Variants in PCDHGB3 observed in about 807,000 individuals in gnomAD.
PCDHGB3 encodes protocadherin gamma-B3.
PCDHGB3 carries 40 observed loss-of-function variants against 59.2 expected under a neutral mutation model. The ratio of observed to expected loss-of-function variants is 0.68; its 90% CI spans 0.52 to 0.88. PCDHGB3 has a LOEUF of 0.88. Ranked by LOEUF, PCDHGB3 falls within the 40% of genes least tolerant of loss-of-function variation. The pLI is 0.00. For missense variants in PCDHGB3, 1,309 were observed against 1,187.9 expected (o/e 1.10, Z -1.50); for synonymous variants, 581 against 503.6 (o/e 1.15, Z -2.06).
chr5:141,400,333 C>T (rs538201613), intron 1 of PCDHGB3: 2 of 1,614,032 alleles, frequency 1.2e-6, no homozygotes, highest in East Asian at 2.2e-5. Context: ...ACCTGTGGTT[C>T]CCCCCAACTA....
chr5:141,480,414 CA>C (rs10712552), intron 1 of PCDHGB3, among the ~76,000 whole-genome samples: 43,347 of 147,074 alleles, frequency 0.29, 6,620 homozygotes, highest in African/African-American at 0.4. Flanking sequence ...GACCCTGTCT[CA>C]AAAAAAAAAA....
rs1561589443 is a variant in PCDHGB3, at chr5:141,381,835, T to TCTTCTTC, written c.2415+9026_2415+9027insCTTCTTC. Reference sequence around the variant, plus strand: ...TTCTTTCTTTCTTCTTCTTTTTTTTTTTTTTTTTTTTTTGGCAGAGTTTTG... The same window carrying TCTTCTTC: ...TTCTTTCTTTCTTCTTCTTTTTTTTTCTTCTTCTTTTTTTTTTTTTGGCAGAGTTTTG... On this transcript the variant is annotated intron_variant, in intron 1 of 3. Coordinates refer to ENST00000576222, the MANE Select transcript of PCDHGB3 (RefSeq NM_018924.5). 3.4e-3 allele frequency among the ~76,000 whole-genome samples: 481 copies of TCTTCTTC among 141,024 alleles called. 2 individuals carry two copies. Among genetic ancestry groups the TCTTCTTC allele is most frequent in the African/African-American group, 0.012 (438 of 36,478 alleles). The allele number at this position is 141,024 out of a possible 152,430, so 92.5% of individuals were successfully genotyped here. A position where few individuals can be genotyped will look rare whatever the true frequency, so the allele number is the denominator to read the frequency against.
intron 1 of PCDHGB3, chr5:141,419,649 A>C: frequency 6.2e-7 from 1 of 1,612,422 alleles, no homozygotes; most frequent in Non-Finnish European, 8.5e-7. Context: ...GTGGACGCGG[A>C]CTCGGGGCAC....
chr5:141,434,517 G>A (rs1476955199), intron 1 of PCDHGB3, among the ~76,000 whole-genome samples: 1 of 152,212 alleles, frequency 6.6e-6, no homozygotes, highest in East Asian at 1.9e-4. Context: ...GCTTAAAGGT[G>A]TTCTTAAACC....
intron 1 of PCDHGB3, among the ~76,000 whole-genome samples, chr5:141,469,340 G>A (rs1412181099): frequency 6.6e-6 from 1 of 152,138 alleles, no homozygotes; most frequent in Non-Finnish European, 1.5e-5. Context: ...ACTTTGGGAG[G>A]CTGAGGTGGA....
chr5:141,498,725 A>AGT (rs2099785409), intron 2 of PCDHGB3, among the ~76,000 whole-genome samples: 1 of 152,150 alleles, frequency 6.6e-6, no homozygotes, highest in Non-Finnish European at 1.5e-5. Flanking sequence ...TGAGGTCAGG[A>AGT]GTTTGAGACC....
At chr5:141,492,195 CTT>C (rs1240529719) in intron 1 of PCDHGB3, among the ~76,000 whole-genome samples, 1 of 152,242 alleles carries the variant, frequency 6.6e-6, no homozygotes, top group Non-Finnish European at 1.5e-5. Context: ...GTCTGCGGGA[CTT>C]AGGTGTGCGC....
chr5:141,480,371 C>T (rs1562080299), intron 1 of PCDHGB3, among the ~76,000 whole-genome samples: 1 of 151,908 alleles, frequency 6.6e-6, no homozygotes, highest in African/African-American at 2.4e-5. Flanking sequence ...GCTGTGATTG[C>T]ACCACTACAC....
chr5:141,487,022 A>T lies in PCDHGB3; in HGVS notation c.2416-7785A>T. ...TCAGCTCCTGGAGGCCCCAGATCCC[A>T]GCCTGTTTGCAGTCTCTCGATATGC... On this transcript the variant is annotated intron_variant, in intron 1 of 3. Coordinates refer to ENST00000576222, the MANE Select transcript of PCDHGB3 (RefSeq NM_018924.5). The surrounding 1 kb of genome is among the most constrained non-coding windows in gnomAD (Gnocchi z 5.0). The T allele has an allele frequency of 1.2e-6, 2 of 1,614,212 alleles. No homozygotes were observed. Among genetic ancestry groups the T allele is most frequent in the Non-Finnish European group, 1.7e-6 (2 of 1,180,048 alleles).
chr5:141,494,962 T>G (rs1644946600), intron 2 of PCDHGB3, 97 bp downstream of exon 2: 4 of 1,596,756 alleles, frequency 2.5e-6, no homozygotes, highest in Non-Finnish European at 3.4e-6. Context: ...TTGCTACAGA[T>G]GGCTTCTCCC....
intron 1 of PCDHGB3, chr5:141,393,472 C>A: frequency 6.2e-7 from 1 of 1,614,024 alleles, no homozygotes; most frequent in Non-Finnish European, 8.5e-7. Context: ...GGCGGCAAGC[C>A]GCCTCGCTCT....
intron 1 of PCDHGB3, among the ~76,000 whole-genome samples, chr5:141,386,382 A>T (rs2090551092): frequency 6.6e-6 from 1 of 152,330 alleles, no homozygotes; most frequent in South Asian, 2.1e-4. Context: ...AGTATTAATT[A>T]AAAACACACT....
chr5:141,491,567 C>T lies in PCDHGB3; in HGVS notation c.2416-3240C>T, dbSNP rs2099721325. On this transcript the variant is annotated intron_variant, in intron 1 of 3. Transcript: ENST00000576222. The surrounding 1 kb of genome is among the most constrained non-coding windows in gnomAD (Gnocchi z 6.9). ...GACTCGCAGAGCCACTGCTACAGGACGTGCTTTTCACCGGCCTCGGACGGC... is the reference window on the plus strand; with the variant it reads ...GACTCGCAGAGCCACTGCTACAGGATGTGCTTTTCACCGGCCTCGGACGGC... 1.9e-6 allele frequency: 3 copies of T among 1,614,004 alleles called. No individual in the cohort carries two copies. The highest frequency in any genetic ancestry group is 2.5e-6 in the Non-Finnish European group (3 of 1,180,034).
intron 1 of PCDHGB3, among the ~76,000 whole-genome samples, chr5:141,467,680 T>A (rs75237059): frequency 6.6e-6 from 1 of 152,138 alleles, no homozygotes; most frequent in Non-Finnish European, 1.5e-5. Flanking sequence ...TTATTTTTTT[T>A]AGACAGGGTC....
intron 1 of PCDHGB3, chr5:141,403,422 C>G: frequency 6.2e-7 from 1 of 1,614,030 alleles, no homozygotes; most frequent in Non-Finnish European, 8.5e-7. Flanking sequence ...CTTCCAGAAG[C>G]TATTGATCCG....
At chr5:141,420,164 A>G (rs2096471602) in intron 1 of PCDHGB3, 1 of 1,614,040 alleles carries the variant, frequency 6.2e-7, no homozygotes, top group Non-Finnish European at 8.5e-7. Context: ...TAATTTTTTC[A>G]CATCTGTTGA....
At chr5:141,415,740 G>GTTTTTTTTTTTTTTTTTTGTTTTTTTTT in intron 1 of PCDHGB3, 1 of 617,992 alleles carries the variant, frequency 1.6e-6, no homozygotes, top group Non-Finnish European at 2.1e-6. Flanking sequence ...GTTTATTAAG[G>GTTTTTTTTTTTTTTTTTTGTTTTTTTTT]TTTTTTTTTT....
At chr5:141,398,844 C>A in intron 1 of PCDHGB3, 1 of 1,613,966 alleles carries the variant, frequency 6.2e-7, no homozygotes, top group Non-Finnish European at 8.5e-7. Context: ...ATGATAATCC[C>A]CCGGTATTCA....
At chr5:141,438,583 CAT>C (rs1561889590) in intron 1 of PCDHGB3, among the ~76,000 whole-genome samples, 4 of 57,610 alleles carry the variant, frequency 6.9e-5, no homozygotes, top group African/African-American at 3.6e-4. Flanking sequence ...TACATACATA[CAT>C]ACATACATAT....
Sources: gnomAD v4.1 joint callset for allele counts (sites outside exome capture counted in the v4.1 genomes callset) on GRCh38, gnomAD v4.1.1 for gene constraint, Gnocchi (gnomAD v3.1) non-coding constraint, MANE v1.5 for transcripts, NCBI Gene and HGNC (gene_info 2026-07-23, HGNC 2026-07-21) for gene names.